Variants in AGTRAP observed in about 807,000 individuals in gnomAD.
AGTRAP encodes angiotensin II receptor associated protein.
In AGTRAP, 7 loss-of-function variants were observed where a neutral mutation model predicts 15.2. That is an observed-to-expected ratio of 0.46 (90% CI 0.26 to 0.87). The LOEUF (loss-of-function observed/expected upper bound fraction) is 0.87, where lower values mean the gene tolerates loss of function less well. Ranked by LOEUF, AGTRAP falls within the 40% of genes least tolerant of loss-of-function variation. The pLI is 0.15. For missense variants in AGTRAP, 187 were observed against 213.4 expected (o/e 0.88, Z 0.77); for synonymous variants, 74 against 89.6 (o/e 0.83, Z 0.98).
intron 3 of AGTRAP, 26 bp downstream of exon 3, chr1:11,747,571 C>T: frequency 6.2e-7 from 1 of 1,608,714 alleles, no homozygotes; most frequent in Middle Eastern, 1.7e-4. Context: ...GGAGAGGCGG[C>T]AAGGCGGGGA....
Position 11,748,401 on chromosome 1 carries a change from GGT to G in AGTRAP, c.169-9_169-8del, listed in dbSNP as rs560732467. The G allele has an allele frequency of 8.0e-5, 129 of 1,611,608 alleles. 1 individual carries two copies. The African/African-American group carries it at 1.3e-3, about 17-fold the overall frequency. On this transcript the variant is annotated splice_polypyrimidine_tract_variant and intron_variant, in intron 3 of 4. Transcript: ENST00000314340. ...GTGGGGGTGTTGTGCTCATCAGTGT[GGT>G]GTGTCTTGCAGTTTCTGGGTGGCTT...
At chr1:11,748,865 C>T (rs1336646250) in intron 4 of AGTRAP, among the ~76,000 whole-genome samples, 1 of 152,226 alleles carries the variant, frequency 6.6e-6, no homozygotes, top group Non-Finnish European at 1.5e-5. Context: ...GGGCCCTTCT[C>T]TCAGCCCAGA....
chr1:11,741,585 G>A (rs4073489), intron 1 of AGTRAP, among the ~76,000 whole-genome samples: 50,093 of 152,004 alleles, frequency 0.33, 8,790 homozygotes, highest in East Asian at 0.53. Flanking sequence ...CCCCATCTTT[G>A]TAATGGGGAG....
chr1:11,746,723 T>C (rs1336144001), intron 2 of AGTRAP: 2 of 160,090 alleles, frequency 1.2e-5, no homozygotes, highest in East Asian at 1.8e-4. Context: ...TTCCTTCCTA[T>C]GGTTATTAAC....
intron 1 of AGTRAP, among the ~76,000 whole-genome samples, chr1:11,744,946 C>T (rs560609242): frequency 5.2e-4 from 78 of 151,412 alleles, no homozygotes; most frequent in African/African-American, 1.8e-3. Flanking sequence ...CCTCCACCTC[C>T]CAGGTTCAAG....
In AGTRAP at chr1:11,748,497, C is replaced by T. The variant is rs752747010; in HGVS notation, c.251C>T (p.Thr84Met). ...IFYPRVSLTD[T>M]GRFGVGMAIL... is the part of the protein sequence containing the mutation. ...TACCCGCGGGTCAGCCTCACGGACA[C>T]GGGCCGCTTTGGCGTGGGCATGGCC... The change falls in exon 4 of 5, where the codon ACG (threonine) becomes ATG (methionine). Residue 84 changes from threonine to methionine, a missense_variant. Coordinates refer to ENST00000314340, the MANE Select transcript of AGTRAP (RefSeq NM_020350.5). The T allele has an allele frequency of 1.9e-6, 3 of 1,613,380 alleles. No individual in the cohort carries two copies. The highest frequency in any genetic ancestry group is 1.3e-5 in the African/African-American group (1 of 75,052).
chr1:11,739,817 G>T (rs574401130), intron 1 of AGTRAP, among the ~76,000 whole-genome samples: 2 of 152,194 alleles, frequency 1.3e-5, no homozygotes, highest in Non-Finnish European at 2.9e-5. Context: ...GTTAGTAAAC[G>T]GATACTTACA....
chr1:11,750,260 C>A lies in AGTRAP; in HGVS notation c.*68C>A. The A allele has an allele frequency of 8.0e-7, 1 of 1,256,236 alleles. No individual in the cohort carries two copies. Among genetic ancestry groups the A allele is most frequent in the Non-Finnish European group, 1.1e-6 (1 of 877,512 alleles). 77.8% of individuals were successfully genotyped at this position (1,256,236 alleles called of 1,614,324 possible). A position where few individuals can be genotyped will look rare whatever the true frequency, so the allele number is the denominator to read the frequency against. On this transcript the variant is annotated 3_prime_UTR_variant, in exon 5 of 5. Transcript: ENST00000314340. ...TGCCTGGGAGGTCGTTCTAGGGATG[C>A]TCCTGACCTCCGTCTCTTGGACCTA...
chr1:11,748,726 G>A (rs1216059832), intron 4 of AGTRAP, 116 bp downstream of exon 4: 3 of 1,247,062 alleles, frequency 2.4e-6, no homozygotes, highest in Admixed American at 2.3e-5. Flanking sequence ...CAAGGTGCAG[G>A]GAGAGCGTGG....
intron 2 of AGTRAP, among the ~76,000 whole-genome samples, chr1:11,747,079 A>G (rs1642182003): frequency 6.6e-6 from 1 of 152,212 alleles, no homozygotes; most frequent in Non-Finnish European, 1.5e-5. Context: ...GGCCCTGGTG[A>G]AGAGTCTGCA....
chr1:11,741,385 T>C (rs1642027347), intron 1 of AGTRAP, among the ~76,000 whole-genome samples: 1 of 152,224 alleles, frequency 6.6e-6, no homozygotes. Flanking sequence ...GAGTACCTGG[T>C]TAGCGAGGTC....
chr1:11,736,636 C>A (rs1237832350), intron 1 of AGTRAP, among the ~76,000 whole-genome samples: 2 of 152,250 alleles, frequency 1.3e-5, no homozygotes, highest in Admixed American at 6.5e-5. Flanking sequence ...GGGCTTGCCC[C>A]CCGGGTCCCA....
Position 11,745,179 on chromosome 1 carries a change from TC to T in AGTRAP, c.28-623del, listed in dbSNP as rs1428876091. On this transcript the variant is annotated intron_variant, in intron 1 of 4. Coordinates refer to ENST00000314340, the MANE Select transcript of AGTRAP (RefSeq NM_020350.5). The surrounding 1 kb of genome is among the most constrained non-coding windows in gnomAD (Gnocchi z 4.2). ...CTGGTTGCCCATTTTTATAGTTATT[TC>T]TTGATAGTATGCTAACCAAGGGGTG... Among the ~76,000 whole-genome samples the T allele has an allele frequency of 1.3e-5, 2 of 152,184 alleles. No homozygotes were observed. The highest frequency in any genetic ancestry group is 4.8e-5 in the African/African-American group (2 of 41,440).
At chr1:11,739,945 G>A (rs1051453903) in intron 1 of AGTRAP, among the ~76,000 whole-genome samples, 1 of 152,222 alleles carries the variant, frequency 6.6e-6, no homozygotes, top group Non-Finnish European at 1.5e-5. Flanking sequence ...CCAGCACCCA[G>A]GTTTCCTGTT....
intron 2 of AGTRAP, among the ~76,000 whole-genome samples, chr1:11,746,905 T>C (rs1376511375): frequency 6.6e-6 from 1 of 152,172 alleles, no homozygotes; most frequent in Non-Finnish European, 1.5e-5. Context: ...GAACTTGTAC[T>C]TAGCACCGGT....
chr1:11,749,682 C>T (rs997375650), intron 4 of AGTRAP, among the ~76,000 whole-genome samples: 3 of 152,176 alleles, frequency 2.0e-5, no homozygotes, highest in Non-Finnish European at 2.9e-5. Context: ...GGGCTGATGT[C>T]CCTCTGCCCA....
At position 11,747,503 on chromosome 1, in the gene AGTRAP, G is replaced by A. The variant is rs745920945; in HGVS notation, c.126G>A (p.Val42=). 14 of 1,614,036 alleles carry A rather than the reference G, an allele frequency of 8.7e-6. No individual in the cohort carries two copies. Among genetic ancestry groups the A allele is most frequent in the African/African-American group, 1.3e-5 (1 of 74,952 alleles). ...WANFTILALG[V]WAVAQRDSID... Reference sequence around the variant, plus strand: ...ACTTCACCATCCTGGCCTTGGGCGTGTGGGCTGTGGCTCAGCGGGACTCCA... The same window carrying A: ...ACTTCACCATCCTGGCCTTGGGCGTATGGGCTGTGGCTCAGCGGGACTCCA... Residue 42 remains valine, a synonymous_variant, in exon 3 of 5, where the codon GTG becomes GTA. Transcript: ENST00000314340.
At position 11,745,716 on chromosome 1, in the gene AGTRAP, C is replaced by A; in HGVS notation, c.28-87C>A. The A allele has an allele frequency of 3.5e-6, 5 of 1,425,196 alleles. No homozygotes were observed. The highest frequency in any genetic ancestry group is 5.0e-6 in the Non-Finnish European group (5 of 1,008,698). 88.3% of individuals were successfully genotyped at this position (1,425,196 alleles called of 1,614,324 possible). On this transcript the variant is annotated intron_variant, in intron 1 of 4. Coordinates refer to ENST00000314340, the MANE Select transcript of AGTRAP (RefSeq NM_020350.5). The surrounding 1 kb of genome is among the most constrained non-coding windows in gnomAD (Gnocchi z 4.2). ...CCCTCAGAGGTGCCAGGCGCAGGGG[C>A]GTCCTGTGTTTTCTGCACCCGACGC...
At chr1:11,749,102 G>A (rs1642249426) in intron 4 of AGTRAP, among the ~76,000 whole-genome samples, 1 of 151,952 alleles carries the variant, frequency 6.6e-6, no homozygotes, top group Non-Finnish European at 1.5e-5. Flanking sequence ...AGTGAAGACA[G>A]CCCTGAACAG....
Sources: allele counts gnomAD v4.1 joint callset (sites outside exome capture counted in the v4.1 genomes callset), GRCh38; gene constraint gnomAD v4.1.1; non-coding constraint Gnocchi (gnomAD v3.1); transcripts MANE v1.5; gene names NCBI Gene and HGNC (gene_info 2026-07-23, HGNC 2026-07-21).